The following TLE1 variants were observed in gnomAD, a reference collection of about 807,000 sequenced individuals.
The protein encoded by TLE1 is transducin-like enhancer protein 1.
Under a neutral mutation model 89.8 loss-of-function variants are expected in TLE1, and 21 were observed. That is an observed-to-expected ratio of 0.23 (90% CI 0.17 to 0.34). TLE1 has a LOEUF of 0.34. Ranked by LOEUF, TLE1 falls within the 10% of genes least tolerant of loss-of-function variation. The pLI is 1.00. For missense variants in TLE1, 795 were observed against 1,031.2 expected (o/e 0.77, Z 3.14); for synonymous variants, 447 against 407.6 (o/e 1.10, Z -1.16).
In TLE1 at chr9:81,602,342, T is replaced by TCAGGACC. The variant is rs1396474147; in HGVS notation, c.1331+7871_1331+7877dup. On this transcript the variant is annotated intron_variant, in intron 14 of 19. Transcript: ENST00000376499. The stretch of plus-strand genomic sequence containing the variant: ...TCGAACATCCCTTATCCAAAATGCT[T>TCAGGACC]CAGGACCAGAAGTGTTTCTGATGTC... Among the ~76,000 whole-genome samples, 4 of 152,192 alleles carry TCAGGACC rather than the reference T, an allele frequency of 2.6e-5. No individual in the cohort carries two copies. The East Asian group carries it at 7.7e-4, about 29-fold the overall frequency.
chr9:81,642,014 C>G (rs1424348052), intron 6 of TLE1, among the ~76,000 whole-genome samples: 2 of 151,332 alleles, frequency 1.3e-5, no homozygotes, highest in African/African-American at 4.9e-5. Context: ...AAGAGCAAAA[C>G]TCCATCTCCA....
chr9:81,584,776 C>T (rs1404460482), intron 18 of TLE1, among the ~76,000 whole-genome samples: 2 of 152,058 alleles, frequency 1.3e-5, no homozygotes, highest in African/African-American at 2.4e-5. Flanking sequence ...ATCCAACACA[C>T]GGTAACCCTC....
rs969679445 is a variant in TLE1 at position 81,584,214 on chromosome 9, T to C, written c.2297A>G (p.Tyr766Cys). The change falls in exon 20 of 20, where the codon TAT (tyrosine) becomes TGT (cysteine). Residue 766 changes from tyrosine (Y) to cysteine (C), a missense_variant. Around this residue, in one of 4 missense-constraint regions of TLE1, gnomAD observed 214 missense variants for 354.9 expected, o/e 0.60. Coordinates refer to ENST00000376499, the MANE Select transcript of TLE1 (RefSeq NM_005077.5). ...TGSGDKKATV[Y>C]EVIY Reference sequence around the variant, plus strand: ...ATAATGTTTTCAGTAGATGACTTCATAGACTGTAGCCTTCTTGTCCCCCGA... The same window carrying C: ...ATAATGTTTTCAGTAGATGACTTCACAGACTGTAGCCTTCTTGTCCCCCGA... The C allele has an allele frequency of 1.2e-6, 2 of 1,613,964 alleles. No individual in the cohort carries two copies. The highest frequency in any genetic ancestry group is 1.1e-5 in the South Asian group (1 of 91,088).
chr9:81,664,851 T>C (rs536426721), intron 4 of TLE1, among the ~76,000 whole-genome samples: 1 of 152,332 alleles, frequency 6.6e-6, no homozygotes, highest in African/African-American at 2.4e-5. Context: ...GCGGAGTTCC[T>C]GTTGGAGTCT....
intron 5 of TLE1, among the ~76,000 whole-genome samples, chr9:81,653,275 T>G (rs73470156): frequency 6.6e-5 from 10 of 152,284 alleles, no homozygotes; most frequent in African/African-American, 2.2e-4. Flanking sequence ...CTTTCCACCC[T>G]GCGTGAAGAT....
chr9:81,652,907 CCT>C (rs1829734431), intron 5 of TLE1, among the ~76,000 whole-genome samples: 1 of 152,144 alleles, frequency 6.6e-6, no homozygotes, highest in African/African-American at 2.4e-5. Flanking sequence ...TCCTGGAATT[CCT>C]CTCATTCTTT....
chr9:81,685,112 CT>C (rs561490944), intron 4 of TLE1, among the ~76,000 whole-genome samples: 78 of 152,222 alleles, frequency 5.1e-4, no homozygotes, highest in African/African-American at 1.7e-3. Context: ...TAAAAAGATG[CT>C]TTTTTCACAT....
intron 7 of TLE1, 143 bp downstream of exon 7, chr9:81,633,954 C>T: frequency 2.2e-6 from 2 of 925,810 alleles, no homozygotes; most frequent in Non-Finnish European, 3.1e-6. Context: ...ACCTGTGTTT[C>T]AGTGGAAAGC....
At chr9:81,631,977 C>T (rs1826680806) in intron 8 of TLE1, among the ~76,000 whole-genome samples, 1 of 152,132 alleles carries the variant, frequency 6.6e-6, no homozygotes, top group South Asian at 2.1e-4. Context: ...TGGCACAGGC[C>T]TGTAATCCCA....
At position 81,689,004 on chromosome 9, in the gene TLE1, G is replaced by A. The variant is rs1339063941; in HGVS notation, c.-764C>T. The A allele has an allele frequency of 3.3e-5, 5 of 151,726 alleles. No individual in the cohort carries two copies. Among genetic ancestry groups the A allele is most frequent in the African/African-American group, 4.8e-5 (2 of 41,404 alleles). 9.4% of individuals were successfully genotyped at this position (151,726 alleles called of 1,614,324 possible). On this transcript the variant is annotated 5_prime_UTR_variant, in exon 1 of 20. Coordinates refer to ENST00000376499, the MANE Select transcript of TLE1 (RefSeq NM_005077.5). ...GCACAAACCCTCCGGGCCCGACGGGGCTACTCCACCGAGAGCAGTCCCGCA... is the reference window on the plus strand; with the variant it reads ...GCACAAACCCTCCGGGCCCGACGGGACTACTCCACCGAGAGCAGTCCCGCA...
intron 4 of TLE1, among the ~76,000 whole-genome samples, chr9:81,675,555 C>T (rs932774686): frequency 6.6e-6 from 1 of 152,088 alleles, no homozygotes; most frequent in Non-Finnish European, 1.5e-5. Context: ...CATATTACTA[C>T]AATAAAACTC....
chr9:81,637,213 C>A (rs527911380), intron 6 of TLE1, among the ~76,000 whole-genome samples: 1 of 152,080 alleles, frequency 6.6e-6, no homozygotes, highest in East Asian at 1.9e-4. Flanking sequence ...TACAAATTAG[C>A]CGGGCGTGGT....
chr9:81,598,846 T>G (rs1486780789), intron 14 of TLE1, among the ~76,000 whole-genome samples: 1 of 152,196 alleles, frequency 6.6e-6, no homozygotes, highest in Non-Finnish European at 1.5e-5. Flanking sequence ...CAGTGGATGC[T>G]GGGCCCTTCC....
At chr9:81,596,664 G>C (rs1483945784) in intron 14 of TLE1, among the ~76,000 whole-genome samples, 1 of 152,186 alleles carries the variant, frequency 6.6e-6, no homozygotes, top group Non-Finnish European at 1.5e-5. Flanking sequence ...AATTCAGAAT[G>C]AAGCCAGATA....
At chr9:81,631,762 T>C (rs1227504858) in intron 8 of TLE1, among the ~76,000 whole-genome samples, 2 of 152,230 alleles carry the variant, frequency 1.3e-5, no homozygotes, top group African/African-American at 4.8e-5. Context: ...TGTGATTTCA[T>C]CCAGGGTTAG....
intron 4 of TLE1, among the ~76,000 whole-genome samples, chr9:81,662,192 T>C (rs1314467982): frequency 6.6e-6 from 1 of 152,144 alleles, no homozygotes; most frequent in Non-Finnish European, 1.5e-5. Flanking sequence ...ACATTTGCCC[T>C]CCTAATAAAT....
chr9:81,606,413 C>T (rs899120817), intron 14 of TLE1, among the ~76,000 whole-genome samples: 1 of 152,132 alleles, frequency 6.6e-6, no homozygotes, highest in Non-Finnish European at 1.5e-5. Context: ...AAATGTGGCA[C>T]ATACACACCA....
chr9:81,590,542 A>G (rs1371183860), intron 16 of TLE1, among the ~76,000 whole-genome samples: 6 of 152,218 alleles, frequency 3.9e-5, no homozygotes, highest in Non-Finnish European at 8.8e-5. Flanking sequence ...ATATTTTTAG[A>G]ACAAGTTTGG....
At chr9:81,679,099 G>A (rs1320726340) in intron 4 of TLE1, among the ~76,000 whole-genome samples, 1 of 152,154 alleles carries the variant, frequency 6.6e-6, no homozygotes, top group East Asian at 1.9e-4. Flanking sequence ...AGTGAACCAA[G>A]ATTGCGCTAC....
Sources: gnomAD v4.1 joint callset for allele counts (sites outside exome capture counted in the v4.1 genomes callset) on GRCh38, gnomAD v4.1.1 for gene constraint, gnomAD v4.1.1 regional missense constraint, MANE v1.5 for transcripts, NCBI Gene and HGNC (gene_info 2026-07-23, HGNC 2026-07-21) for gene names.